Variants in ZNF276 observed in about 807,000 individuals in gnomAD.
ZNF276 encodes the protein zinc finger protein 276, also known as centromere protein Z.
A neutral mutation model predicts 63.9 loss-of-function variants in ZNF276; 59 were observed. The ratio of observed to expected loss-of-function variants is 0.92; its 90% CI spans 0.75 to 1.15. The LOEUF is 1.15. ZNF276 is among the 50% of genes most tolerant of loss of function. The probability of loss-of-function intolerance (pLI) is 0.00; values close to 1 mark genes in which losing one functional copy is unlikely to be tolerated. For missense variants in ZNF276, 1,084 were observed against 843.8 expected (o/e 1.28, Z -3.53); for synonymous variants, 496 against 348.4 (o/e 1.42, Z -4.72).
At position 89,739,430 on chromosome 16, in the gene ZNF276, G is replaced by A. The variant is rs1055386152; in HGVS notation, c.*1184G>A. The stretch of plus-strand genomic sequence containing the variant: ...GGGACCCAGAGGTGCTGAGATGGGG[G>A]TCTGGGAAACACTGCCCAGCCCTGA... On this transcript the variant is annotated 3_prime_UTR_variant, in exon 11 of 11. Coordinates refer to ENST00000443381, the MANE Select transcript of ZNF276 (RefSeq NM_001113525.2). 2 of 1,552,774 alleles carry A rather than the reference G, an allele frequency of 1.3e-6. No individual in the cohort carries two copies. The highest frequency in any genetic ancestry group is 1.7e-6 in the Non-Finnish European group (2 of 1,146,380).
intron 8 of ZNF276, 33 bp from the exon 9 acceptor site, chr16:89,733,888 C>T: frequency 1.2e-6 from 2 of 1,604,628 alleles, no homozygotes; most frequent in Non-Finnish European, 1.7e-6. Flanking sequence ...CCGGGTGCGG[C>T]TCTGAGGGTC....
chr16:89,735,316 A>T (rs1432912364), intron 9 of ZNF276, among the ~76,000 whole-genome samples: 1 of 152,056 alleles, frequency 6.6e-6, no homozygotes, highest in Non-Finnish European at 1.5e-5. Context: ...CCAGCTGAGG[A>T]CAACTGTATA....
At chr16:89,727,460 T>C in intron 5 of ZNF276, 103 bp downstream of exon 5, 1 of 1,365,280 alleles carries the variant, frequency 7.3e-7, no homozygotes, top group Non-Finnish European at 1.0e-6. Flanking sequence ...AGCCTAAAAT[T>C]TCTCCTTCAA....
At chr16:89,726,259 C>T (rs534727839) in intron 4 of ZNF276, among the ~76,000 whole-genome samples, 1 of 151,720 alleles carries the variant, frequency 6.6e-6, no homozygotes, top group East Asian at 2.0e-4. Context: ...TGCAGTGGCA[C>T]GATATCAGCT....
intron 6 of ZNF276, chr16:89,731,561 T>A (rs1041587987): frequency 3.3e-5 from 5 of 152,266 alleles, no homozygotes; most frequent in African/African-American, 1.2e-4. Context: ...CTCAATGCAC[T>A]CTTTAAAGAG....
chr16:89,738,980 G>C lies in ZNF276; in HGVS notation c.*734G>C. 6.2e-7 allele frequency: 1 copy of C among 1,614,242 alleles called. No individual in the cohort carries two copies. ...ATCAGTTCCACGGGGTTGCCCTAGA[G>C]AGAAAACAGGCAAACTCACAGGTTA... On this transcript the variant is annotated 3_prime_UTR_variant, in exon 11 of 11. Coordinates refer to ENST00000443381, the MANE Select transcript of ZNF276 (RefSeq NM_001113525.2).
rs145721739 is a variant in ZNF276, at chr16:89,729,289, C to T, written c.1140C>T (p.Asp380=). 8.5e-5 allele frequency: 138 copies of T among 1,614,112 alleles called. No homozygotes were observed. In the Middle Eastern group the frequency reaches 2.0e-3, roughly 23 times the overall value. The change falls in exon 6 of 11, where the codon GAC becomes GAT. Residue 380 remains aspartate (D), a synonymous_variant. Coordinates refer to ENST00000443381, the MANE Select transcript of ZNF276 (RefSeq NM_001113525.2). ...AGAAGCAAAATGCCCAGTCTTCGGA[C>T]GAGTCCTTTGAGCCTTACCCAGAAA... The part of the protein sequence containing the change: ...NDKKQNAQSS[D]ESFEPYPERK...
At chr16:89,725,488 A>G (rs1324668030) in intron 4 of ZNF276, among the ~76,000 whole-genome samples, 1 of 151,340 alleles carries the variant, frequency 6.6e-6, no homozygotes, top group East Asian at 2.0e-4. Flanking sequence ...GCCAAGAACA[A>G]TACTTTTTAA....
At position 89,737,903 on chromosome 16, in the gene ZNF276, G is replaced by A. The variant is rs368947676; in HGVS notation, c.1572G>A (p.Leu524=). 5 of 1,603,370 alleles carry A rather than the reference G, an allele frequency of 3.1e-6. No homozygotes were observed. The highest frequency in any genetic ancestry group is 4.2e-6 in the Non-Finnish European group (5 of 1,178,732). Reference sequence around the variant, plus strand: ...TGCGACATTCGGGAGCCAAGCCTTTGCAGTAAGTGTGAGTCAGGACCCCCT... The same window carrying A: ...TGCGACATTCGGGAGCCAAGCCTTTACAGTAAGTGTGAGTCAGGACCCCCT... ...HQMRHSGAKP[L]QCEVCGFQCR... Residue 524 remains leucine (L), a splice_region_variant and synonymous_variant, in exon 10 of 11, where the codon TTG becomes TTA. Transcript: ENST00000443381.
chr16:89,721,575 G>A lies in ZNF276; in HGVS notation c.-66G>A. On this transcript the variant is annotated 5_prime_UTR_variant, in exon 1 of 11. Coordinates refer to ENST00000443381, the MANE Select transcript of ZNF276 (RefSeq NM_001113525.2). Reference sequence around the variant, plus strand: ...TCCAGCGCGCCGAGCGGAGCCTAACGCCGGGTCCTCTAGGAACCTCGGGCC... The same window carrying A: ...TCCAGCGCGCCGAGCGGAGCCTAACACCGGGTCCTCTAGGAACCTCGGGCC... 7.1e-7 allele frequency: 1 copy of A among 1,416,758 alleles called. No homozygotes were observed. Among genetic ancestry groups the A allele is most frequent in the East Asian group, 3.1e-5 (1 of 32,056 alleles). The allele number at this position is 1,416,758 out of a possible 1,614,324, so 87.8% of individuals were successfully genotyped here. A position where few individuals can be genotyped will look rare whatever the true frequency, so the allele number is the denominator to read the frequency against.
chr16:89,721,650 G>A lies in ZNF276; in HGVS notation c.10G>A (p.Asp4Asn). 6.8e-7 allele frequency: 1 copy of A among 1,468,966 alleles called. No individual in the cohort carries two copies. Among genetic ancestry groups the A allele is most frequent in the Non-Finnish European group, 9.0e-7 (1 of 1,115,904 alleles). 91.0% of individuals were successfully genotyped at this position (1,468,966 alleles called of 1,614,324 possible). The change falls in exon 1 of 11, where the codon GAC becomes AAC. Residue 4 changes from aspartate to asparagine, a missense_variant. Physicochemically the swap from Asp to Asn is conservative, Grantham distance 23. Transcript: ENST00000443381. MKRDRLGRFLSPGS... is the reference protein window; with the variant it reads MKRNRLGRFLSPGS... ...GGCGTCCTCCGCTGCCATGAAGCGG[G>A]ACCGGCTGGGCCGCTTCCTGTCTCC... is the stretch of plus-strand genomic sequence containing the variant.
In ZNF276 at chr16:89,722,586, C is replaced by A. The variant is rs1357988560; in HGVS notation, c.261C>A (p.Ser87=). Residue 87 remains serine (S), a synonymous_variant, in exon 2 of 11, where the codon TCC becomes TCA. Transcript: ENST00000443381. Reference sequence around the variant, plus strand: ...GTCGCCTCTGCCACGGGAAGTTTTCCTCGAGAAGCCTGCGCAGCATCTCCG... The same window carrying A: ...GTCGCCTCTGCCACGGGAAGTTTTCATCGAGAAGCCTGCGCAGCATCTCCG... ...GHCRLCHGKF[S]SRSLRSISER... is the part of the protein sequence containing the mutation. The A allele has an allele frequency of 6.2e-7, 1 of 1,612,310 alleles. No individual in the cohort carries two copies. The highest frequency in any genetic ancestry group is 8.5e-7 in the Non-Finnish European group (1 of 1,179,990).
chr16:89,738,456 A>T lies in ZNF276; in HGVS notation c.*210A>T. On this transcript the variant is annotated 3_prime_UTR_variant, in exon 11 of 11. Coordinates refer to ENST00000443381, the MANE Select transcript of ZNF276 (RefSeq NM_001113525.2). ...CAAACGCTGAGTGACTCGGGGCCGG[A>T]CAGTTCATAAATAATTGATTCCTTT... 5 of 1,417,264 alleles carry T rather than the reference A, an allele frequency of 3.5e-6. No homozygotes were observed. The highest frequency in any genetic ancestry group is 4.8e-6 in the Non-Finnish European group (5 of 1,031,858). 87.8% of individuals were successfully genotyped at this position (1,417,264 alleles called of 1,614,324 possible).
intron 9 of ZNF276, 113 bp from the exon 10 acceptor site, chr16:89,737,693 T>TG: frequency 6.4e-7 from 1 of 1,567,184 alleles, no homozygotes; most frequent in Non-Finnish European, 8.7e-7. Flanking sequence ...CACTGCATGG[T>TG]GAACCATGTG....
At position 89,740,032 on chromosome 16, in the gene ZNF276, T is replaced by G; in HGVS notation, c.*1786T>G. On this transcript the variant is annotated 3_prime_UTR_variant, in exon 11 of 11. Transcript: ENST00000443381. ...CTGAAAGAGTGCCAGCCAGGATATCTTCCTCTTCTCTAAACACTCGAGGAT... is the reference window on the plus strand; with the variant it reads ...CTGAAAGAGTGCCAGCCAGGATATCGTCCTCTTCTCTAAACACTCGAGGAT... 6.2e-7 allele frequency: 1 copy of G among 1,614,032 alleles called. No individual in the cohort carries two copies. Among genetic ancestry groups the G allele is most frequent in the East Asian group, 2.2e-5 (1 of 44,884 alleles).
Position 89,740,505 on chromosome 16 carries a change from T to A in ZNF276, c.*2259T>A, listed in dbSNP as rs17233727. On this transcript the variant is annotated 3_prime_UTR_variant, in exon 11 of 11. Coordinates refer to ENST00000443381, the MANE Select transcript of ZNF276 (RefSeq NM_001113525.2). ...CAAAAATTAGCCGGGTGTGACAGACTCACGCCTGTAATCCCAGCTACTCGG... is the reference window on the plus strand; with the variant it reads ...CAAAAATTAGCCGGGTGTGACAGACACACGCCTGTAATCCCAGCTACTCGG... 2.1e-6 allele frequency: 1 copy of A among 486,674 alleles called. No homozygotes were observed. Among genetic ancestry groups the A allele is most frequent in the Admixed American group, 3.6e-5 (1 of 27,850 alleles). 30.1% of individuals were successfully genotyped at this position (486,674 alleles called of 1,614,324 possible). A position where few individuals can be genotyped will look rare whatever the true frequency, so the allele number is the denominator to read the frequency against.
chr16:89,729,042 G>T (rs1451392492), intron 5 of ZNF276, among the ~76,000 whole-genome samples, 193 bp from the exon 6 acceptor site: 1 of 152,222 alleles, frequency 6.6e-6, no homozygotes, highest in Admixed American at 6.5e-5. Context: ...GGGATTGCTG[G>T]CTTGTGAGCC....
intron 1 of ZNF276, 33 bp from the exon 2 acceptor site, chr16:89,722,498 C>T: frequency 4.4e-6 from 7 of 1,577,908 alleles, no homozygotes; most frequent in Admixed American, 1.7e-5. Context: ...GCCTCCTTTG[C>T]CAGCTGCTAA....
chr16:89,726,456 A>G (rs2061474122), intron 4 of ZNF276, among the ~76,000 whole-genome samples: 1 of 152,042 alleles, frequency 6.6e-6, no homozygotes, highest in Non-Finnish European at 1.5e-5. Context: ...CCCGGCCTCC[A>G]AAGTGCTGGA....
Sources: gnomAD v4.1 joint callset for allele counts (sites outside exome capture counted in the v4.1 genomes callset) on GRCh38, gnomAD v4.1.1 for gene constraint, MANE v1.5 for transcripts, NCBI Gene and HGNC (gene_info 2026-07-23, HGNC 2026-07-21) for gene names.